The following KCNAB1 variants were observed in gnomAD, a reference collection of about 807,000 sequenced individuals.
KCNAB1 encodes the protein potassium voltage-gated channel subfamily A regulatory beta subunit 1, also known as voltage-gated potassium channel subunit beta-1.
In KCNAB1, 35 loss-of-function variants were observed where a neutral mutation model predicts 64.6. That is an observed-to-expected ratio of 0.54 (90% CI 0.41 to 0.72). The LOEUF (loss-of-function observed/expected upper bound fraction) is 0.72, where lower values mean the gene tolerates loss of function less well. Among genes scored for constraint, KCNAB1 ranks in the 30% least tolerant of loss-of-function variants. The pLI, the probability that KCNAB1 is intolerant of heterozygous loss-of-function variation, is 0.00. For synonymous variants in KCNAB1, 177 were observed against 183.8 expected, an observed-to-expected ratio of 0.96 and a Z score of 0.30; for missense variants, 401 against 512.9, an observed-to-expected ratio of 0.78 and a Z score of 2.11.
intron 1 of KCNAB1, among the ~76,000 whole-genome samples, chr3:156,326,071 T>A (rs1722952430): frequency 6.6e-6 from 1 of 152,122 alleles, no homozygotes; most frequent in Non-Finnish European, 1.5e-5. Context: ...AGGGGTTAGT[T>A]CATCATGCCT....
chr3:156,406,400 G>T (rs1477599013), intron 1 of KCNAB1, among the ~76,000 whole-genome samples: 2 of 152,098 alleles, frequency 1.3e-5, no homozygotes, highest in African/African-American at 4.8e-5. Context: ...AGACAGATTT[G>T]CAGACAACAC....
intron 1 of KCNAB1, among the ~76,000 whole-genome samples, chr3:156,357,116 TTCTC>T (rs139325515): frequency 2.8e-4 from 41 of 146,502 alleles, no homozygotes; most frequent in African/African-American, 7.2e-4. Context: ...ATACCACACA[TTCTC>T]TCTCTCTCTC....
chr3:156,178,955 C>A (rs894028997), intron 1 of KCNAB1, among the ~76,000 whole-genome samples: 22 of 141,234 alleles, frequency 1.6e-4, no homozygotes, highest in African/African-American at 5.5e-4. Context: ...GAGCCGAGAT[C>A]GCGCCACTGC....
At chr3:156,281,278 C>T (rs913820428) in intron 1 of KCNAB1, among the ~76,000 whole-genome samples, 4 of 151,950 alleles carry the variant, frequency 2.6e-5, no homozygotes, top group Non-Finnish European at 4.4e-5. Flanking sequence ...TATTGATTTG[C>T]GTACATTGAA....
At chr3:156,219,695 T>TTTATTA (rs139168632) in intron 1 of KCNAB1, among the ~76,000 whole-genome samples, 11,519 of 146,614 alleles carry the variant, frequency 0.079, 639 homozygotes, top group Non-Finnish European at 0.12. Context: ...AAGGAATCTT[T>TTTATTA]TTATTATTAT....
intron 1 of KCNAB1, among the ~76,000 whole-genome samples, chr3:156,182,622 T>C (rs1238469704): frequency 7.5e-5 from 2 of 26,808 alleles, no homozygotes; most frequent in African/African-American, 1.0e-4. Context: ...CAGGGTTGGT[T>C]TTTTTTTCCC....
chr3:156,401,189 A>G (rs1249792792), intron 1 of KCNAB1, among the ~76,000 whole-genome samples: 1 of 152,240 alleles, frequency 6.6e-6, no homozygotes, highest in African/African-American at 2.4e-5. Flanking sequence ...TGGTAAATAA[A>G]CAGCCTCAAA....
At chr3:156,352,193 C>T (rs193234868) in intron 1 of KCNAB1, among the ~76,000 whole-genome samples, 32 of 152,304 alleles carry the variant, frequency 2.1e-4, no homozygotes, top group Middle Eastern at 3.4e-3. Context: ...GCCAACAACC[C>T]GTCTCCTGTG....
chr3:156,514,533 G>T, intron 9 of KCNAB1, 84 bp downstream of exon 9: 1 of 1,028,552 alleles, frequency 9.7e-7, no homozygotes. Flanking sequence ...AAGATCTTTT[G>T]CAAACTTTTC....
At chr3:156,502,630 A>G (rs1038602299) in intron 8 of KCNAB1, among the ~76,000 whole-genome samples, 11 of 152,076 alleles carry the variant, frequency 7.2e-5, no homozygotes, top group Admixed American at 1.3e-4. Context: ...CAAATTTTAG[A>G]AGGACAAATA....
chr3:156,238,239 G>A (rs1716958955), intron 1 of KCNAB1, among the ~76,000 whole-genome samples: 1 of 152,014 alleles, frequency 6.6e-6, no homozygotes, highest in South Asian at 2.1e-4. Context: ...TGGCAAACAC[G>A]GTGAAACCCT....
chr3:156,447,561 G>C (rs1035167785), intron 2 of KCNAB1, among the ~76,000 whole-genome samples: 2 of 152,014 alleles, frequency 1.3e-5, no homozygotes, highest in African/African-American at 4.8e-5. Flanking sequence ...TCAAACCATA[G>C]GGAGACCAAC....
intron 1 of KCNAB1, among the ~76,000 whole-genome samples, chr3:156,263,123 T>C (rs1008340077): frequency 6.6e-6 from 1 of 151,928 alleles, no homozygotes; most frequent in Non-Finnish European, 1.5e-5. Context: ...TCCCATTTCA[T>C]TGATTTCTAC....
chr3:156,323,206 G>A (rs1722780483), intron 1 of KCNAB1, among the ~76,000 whole-genome samples: 1 of 152,158 alleles, frequency 6.6e-6, no homozygotes, highest in Non-Finnish European at 1.5e-5. Context: ...TCATATTGGT[G>A]TATAAATATA....
chr3:156,143,201 G>T, intron 1 of KCNAB1: 1 of 1,611,748 alleles, frequency 6.2e-7, no homozygotes, highest in South Asian at 1.1e-5. Context: ...AAACCTGCCT[G>T]TGCAGACATC....
chr3:156,127,887 GTGTGT>G lies in KCNAB1; in HGVS notation c.275+7002_275+7006del, dbSNP rs1560098937. On this transcript the variant is annotated intron_variant, in intron 1 of 13. Transcript: ENST00000490337. ...TTTTAGATTCCTCTTCATTTGGGGTGTGTGTGTGTGTGTGTGTGTGTGTGTGTGTG... is the reference window on the plus strand; with the variant it reads ...TTTTAGATTCCTCTTCATTTGGGGTGGTGTGTGTGTGTGTGTGTGTGTGTG... 3.6e-5 allele frequency among the ~76,000 whole-genome samples: 4 copies of G among 111,776 alleles called. No homozygotes were observed. The East Asian group carries it at 9.6e-4, about 27-fold the overall frequency. The allele number at this position is 111,776 out of a possible 152,430, so 73.3% of individuals were successfully genotyped here.
chr3:156,223,253 G>T (rs1240217907), intron 1 of KCNAB1, among the ~76,000 whole-genome samples: 3 of 152,222 alleles, frequency 2.0e-5, no homozygotes, highest in African/African-American at 7.2e-5. Flanking sequence ...GCAGCAGCAA[G>T]ATTTATTGCA....
At chr3:156,195,034 T>A (rs1337070533) in intron 1 of KCNAB1, among the ~76,000 whole-genome samples, 1 of 152,108 alleles carries the variant, frequency 6.6e-6, no homozygotes, top group Non-Finnish European at 1.5e-5. Context: ...GAACATGCAA[T>A]GTTTGGTTTT....
chr3:156,185,727 G>C (rs965434892), intron 1 of KCNAB1, among the ~76,000 whole-genome samples: 1 of 151,992 alleles, frequency 6.6e-6, no homozygotes, highest in African/African-American at 2.4e-5. Flanking sequence ...TCCCATCCTC[G>C]ATGATAGGAG....
Sources: allele counts gnomAD v4.1 joint callset (sites outside exome capture counted in the v4.1 genomes callset), GRCh38; gene constraint gnomAD v4.1.1; transcripts MANE v1.5; gene names NCBI Gene and HGNC (gene_info 2026-07-23, HGNC 2026-07-21).